STXBP5L: variants seen among roughly 807,000 people sequenced by gnomAD.
STXBP5L encodes syntaxin-binding protein 5-like.
STXBP5L carries 65 observed loss-of-function variants against 144.5 expected under a neutral mutation model. That is an observed-to-expected ratio of 0.45 (90% CI 0.37 to 0.55). The LOEUF is 0.55. STXBP5L is among the 20% of genes least tolerant of loss of function. STXBP5L has a pLI of 0.00. For synonymous variants in STXBP5L, 505 were observed against 469.6 expected, an observed-to-expected ratio of 1.08 and a Z score of -0.97; for missense variants, 1,298 against 1,405.5, an observed-to-expected ratio of 0.92 and a Z score of 1.22.
chr3:121,100,514 A>G (rs1226321391), intron 5 of STXBP5L, among the ~76,000 whole-genome samples: 1 of 152,190 alleles, frequency 6.6e-6, no homozygotes, highest in Non-Finnish European at 1.5e-5. Flanking sequence ...CAATGAAATT[A>G]AGGCAGAAAT....
intron 5 of STXBP5L, among the ~76,000 whole-genome samples, chr3:121,055,196 A>G (rs1054069117): frequency 6.6e-6 from 1 of 152,158 alleles, no homozygotes; most frequent in Non-Finnish European, 1.5e-5. Flanking sequence ...GAGAATATTC[A>G]TTATGATCAT....
chr3:121,383,125 A>T (rs952912370), intron 22 of STXBP5L, among the ~76,000 whole-genome samples: 7 of 151,846 alleles, frequency 4.6e-5, no homozygotes, highest in African/African-American at 1.2e-4. Context: ...CTACCAAAAA[A>T]TTTTTTTAAA....
At chr3:121,344,519 A>T (rs2044871383) in intron 20 of STXBP5L, among the ~76,000 whole-genome samples, 1 of 152,120 alleles carries the variant, frequency 6.6e-6, no homozygotes, top group African/African-American at 2.4e-5. Flanking sequence ...GGCCATGGTT[A>T]AAGGACAGGT....
intron 9 of STXBP5L, among the ~76,000 whole-genome samples, chr3:121,179,593 C>G (rs901262386): frequency 6.6e-6 from 1 of 152,106 alleles, no homozygotes; most frequent in Non-Finnish European, 1.5e-5. Flanking sequence ...GAAGAAATCT[C>G]TGAACTGCCA....
intron 7 of STXBP5L, among the ~76,000 whole-genome samples, chr3:121,139,030 A>C (rs1007299232): frequency 6.6e-6 from 1 of 152,026 alleles, no homozygotes; most frequent in African/African-American, 2.4e-5. Context: ...GGTTAAACAG[A>C]AATTCTGCTC....
intron 20 of STXBP5L, among the ~76,000 whole-genome samples, chr3:121,352,968 A>T (rs1321331154): frequency 1.3e-5 from 2 of 152,074 alleles, no homozygotes; most frequent in African/African-American, 2.4e-5. Flanking sequence ...CGTTCTGTTT[A>T]TGTGATGGAT....
At chr3:120,991,308 G>A (rs901256877) in intron 3 of STXBP5L, among the ~76,000 whole-genome samples, 67 of 151,150 alleles carry the variant, frequency 4.4e-4, no homozygotes, top group East Asian at 1.9e-3. Flanking sequence ...TTAGAATGGC[G>A]ATCATTAAAA....
intron 19 of STXBP5L, among the ~76,000 whole-genome samples, chr3:121,312,303 A>C (rs1208301887): frequency 6.6e-6 from 1 of 151,638 alleles, no homozygotes; most frequent in African/African-American, 2.4e-5. Context: ...CATGTCTAAA[A>C]CACCAAAAGC....
At chr3:121,393,594 GA>G (rs1295523408) in intron 22 of STXBP5L, among the ~76,000 whole-genome samples, 1 of 152,074 alleles carries the variant, frequency 6.6e-6, no homozygotes, top group Non-Finnish European at 1.5e-5. Context: ...AATTCACCTT[GA>G]GTTACTTTTT....
intron 3 of STXBP5L, among the ~76,000 whole-genome samples, chr3:121,010,362 A>G (rs765242341): frequency 1.3e-5 from 2 of 151,818 alleles, no homozygotes; most frequent in African/African-American, 2.4e-5. Flanking sequence ...GAACTGGCTC[A>G]TTTATGGAAA....
At chr3:120,946,991 T>C (rs935276946) in intron 2 of STXBP5L, among the ~76,000 whole-genome samples, 1 of 151,792 alleles carries the variant, frequency 6.6e-6, no homozygotes, top group Non-Finnish European at 1.5e-5. Context: ...TATTTGTAAC[T>C]AATTCTTTCT....
intron 22 of STXBP5L, among the ~76,000 whole-genome samples, chr3:121,401,701 A>G (rs1003972623): frequency 9.0e-6 from 1 of 111,570 alleles, no homozygotes; most frequent in Non-Finnish European, 1.8e-5. Flanking sequence ...CAATGAGATC[A>G]CATGGACACA....
At chr3:120,971,778 ATG>A (rs1318190416) in intron 3 of STXBP5L, among the ~76,000 whole-genome samples, 39 of 104,724 alleles carry the variant, frequency 3.7e-4, no homozygotes, top group African/African-American at 1.3e-3. Flanking sequence ...ATATATGTGT[ATG>A]TATATATATA....
In STXBP5L at chr3:120,938,103, A is replaced by T. The variant is rs147218632; in HGVS notation, c.190-16837A>T. Among the ~76,000 whole-genome samples the T allele has an allele frequency of 4.3e-3, 649 of 152,210 alleles. 3 individuals are homozygous for T. Among genetic ancestry groups the T allele is most frequent in the Middle Eastern group, 0.011 (3 of 284 alleles). On this transcript the variant is annotated intron_variant, in intron 2 of 26. Transcript: ENST00000471454. Reference sequence around the variant, plus strand: ...CAGAACAATCTATTATTTTACCTAGATATAACCATCATTAATGTTTCACAG... The same window carrying T: ...CAGAACAATCTATTATTTTACCTAGTTATAACCATCATTAATGTTTCACAG...
At chr3:121,402,295 G>A (rs1226043054) in intron 22 of STXBP5L, among the ~76,000 whole-genome samples, 2 of 152,138 alleles carry the variant, frequency 1.3e-5, no homozygotes, top group Non-Finnish European at 2.9e-5. Context: ...TAGGAATTGA[G>A]AAGTTCCGTG....
At position 121,053,810 on chromosome 3, in the gene STXBP5L, A is replaced by C. The variant is rs532743826; in HGVS notation, c.470+8275A>C. On this transcript the variant is annotated intron_variant, in intron 5 of 26. Coordinates refer to ENST00000471454, the MANE Select transcript of STXBP5L (RefSeq NM_001308330.2). The stretch of plus-strand genomic sequence containing the variant: ...ATCAGAGTGAACAGGCAACCTACAA[A>C]ATGGGAGAAAATTTTCGCAACCTAC... 3.2e-3 allele frequency among the ~76,000 whole-genome samples: 483 copies of C among 152,214 alleles called. 3 individuals are homozygous for C. Among genetic ancestry groups the C allele is most frequent in the Non-Finnish European group, 5.6e-3 (381 of 67,984 alleles).
intron 9 of STXBP5L, among the ~76,000 whole-genome samples, chr3:121,203,206 T>G (rs2048206145): frequency 6.6e-6 from 1 of 152,106 alleles, no homozygotes; most frequent in Non-Finnish European, 1.5e-5. Flanking sequence ...ACTCCCTAAC[T>G]TGAAAGCTTC....
At chr3:121,335,197 C>G (rs1362715247) in intron 20 of STXBP5L, among the ~76,000 whole-genome samples, 5 of 152,120 alleles carry the variant, frequency 3.3e-5, no homozygotes, top group African/African-American at 7.2e-5. Flanking sequence ...AAAACACAAT[C>G]CCATTCACAA....
At position 121,420,380 on chromosome 3, in the gene STXBP5L, T is replaced by C. The variant is rs1326010078; in HGVS notation, c.*1283T>C. ...TAGAAATACATAAAGAGTTTAATGATACAAAATCAATGCTTTTGTCCCTAG... is the reference window on the plus strand; with the variant it reads ...TAGAAATACATAAAGAGTTTAATGACACAAAATCAATGCTTTTGTCCCTAG... On this transcript the variant is annotated 3_prime_UTR_variant, in exon 27 of 27. Transcript: ENST00000471454. 8.3e-6 allele frequency: 1 copy of C among 121,094 alleles called. No individual in the cohort carries two copies. Among genetic ancestry groups the C allele is most frequent in the Non-Finnish European group, 2.0e-5 (1 of 50,210 alleles). 7.5% of individuals were successfully genotyped at this position (121,094 alleles called of 1,614,324 possible). A position where few individuals can be genotyped will look rare whatever the true frequency, so the allele number is the denominator to read the frequency against.
Sources: allele counts gnomAD v4.1 joint callset (sites outside exome capture counted in the v4.1 genomes callset), GRCh38; gene constraint gnomAD v4.1.1; transcripts MANE v1.5; gene names NCBI Gene and HGNC (gene_info 2026-07-23, HGNC 2026-07-21).